Variants in VPS13A observed in about 807,000 individuals in gnomAD.
VPS13A encodes vacuolar protein sorting 13 homolog A, also known as intermembrane lipid transfer protein VPS13A.
Under a neutral mutation model 390.9 loss-of-function variants are expected in VPS13A, and 264 were observed. The observed-to-expected ratio is 0.68, with a 90% CI of 0.61 to 0.75. The LOEUF is 0.75. Ranked by LOEUF, VPS13A falls within the 30% of genes least tolerant of loss-of-function variation. VPS13A has a pLI of 0.00. For synonymous variants in VPS13A, 1,231 were observed against 1,227.1 expected (o/e 1.00, Z -0.07); for missense variants, 3,409 against 3,733.9 (o/e 0.91, Z 2.27).
chr9:77,239,597 A>G (rs571159290), intron 19 of VPS13A, among the ~76,000 whole-genome samples: 19 of 151,304 alleles, frequency 1.3e-4, no homozygotes, highest in South Asian at 4.2e-4. Context: ...TTTTTCTTAT[A>G]TTTTTACTTT....
Position 77,282,138 on chromosome 9 carries a change from G to A in VPS13A, c.2982G>A (p.Leu994=), listed in dbSNP as rs1169530629. The part of the protein sequence containing the change: ...LQLIKVNFSS[L]DIHLHTEALL... ...TTCTTTAGGTAAATTTTTCCTCTTT[G>A]GATATTCATTTACACACTGAAGCAC... Residue 994 remains leucine, a synonymous_variant, in exon 29 of 72, where the codon TTG becomes TTA. Coordinates refer to ENST00000360280, the MANE Select transcript of VPS13A (RefSeq NM_033305.3). 1 of 1,612,722 alleles carries A rather than the reference G, an allele frequency of 6.2e-7. No individual in the cohort carries two copies. Among genetic ancestry groups the A allele is most frequent in the South Asian group, 1.1e-5 (1 of 90,846 alleles).
intron 48 of VPS13A, 62 bp downstream of exon 48, chr9:77,339,973 A>G: frequency 1.3e-6 from 2 of 1,561,364 alleles, no homozygotes; most frequent in Non-Finnish European, 1.7e-6. Context: ...TTAGTTTTTA[A>G]AGTTCTGAGT....
chr9:77,263,107 CTTT>C (rs34380259), intron 23 of VPS13A, among the ~76,000 whole-genome samples: 2 of 139,346 alleles, frequency 1.4e-5, no homozygotes, highest in Non-Finnish European at 1.6e-5. Context: ...TGTTTCCCAA[CTTT>C]TTTTTTTTTT....
At chr9:77,219,104 G>T (rs1299501952) in intron 10 of VPS13A, among the ~76,000 whole-genome samples, 1 of 152,038 alleles carries the variant, frequency 6.6e-6, no homozygotes, top group Non-Finnish European at 1.5e-5. Context: ...TGGAGGATCA[G>T]TGAATTGTAG....
intron 45 of VPS13A, among the ~76,000 whole-genome samples, chr9:77,324,292 C>T: frequency 6.6e-6 from 1 of 152,060 alleles, no homozygotes; most frequent in East Asian, 1.9e-4. Context: ...TTTATATTGC[C>T]TATCACACTG....
intron 10 of VPS13A, among the ~76,000 whole-genome samples, chr9:77,219,050 G>T (rs1455459776): frequency 1.3e-5 from 2 of 152,162 alleles, no homozygotes; most frequent in Non-Finnish European, 2.9e-5. Context: ...GTAAGGTGGG[G>T]ATGGACTGAG....
intron 67 of VPS13A, among the ~76,000 whole-genome samples, chr9:77,381,757 A>G (rs1833451243): frequency 6.6e-6 from 1 of 152,162 alleles, no homozygotes; most frequent in Non-Finnish European, 1.5e-5. Flanking sequence ...TAATATTGTG[A>G]TTATTATCAC....
chr9:77,223,343 G>T (rs983876981), intron 13 of VPS13A, among the ~76,000 whole-genome samples: 1 of 152,044 alleles, frequency 6.6e-6, no homozygotes, highest in Non-Finnish European at 1.5e-5. Flanking sequence ...AGAATCATAC[G>T]TCTCTCACTT....
intron 58 of VPS13A, 21 bp from the exon 59 acceptor site, chr9:77,360,515 G>A (rs776143246): frequency 1.3e-6 from 2 of 1,554,102 alleles, no homozygotes; most frequent in Admixed American, 1.7e-5. Flanking sequence ...TTTAAAAAAT[G>A]TTTTCTACTT....
intron 54 of VPS13A, among the ~76,000 whole-genome samples, chr9:77,355,468 G>T (rs1831722177): frequency 6.6e-6 from 1 of 152,090 alleles, no homozygotes; most frequent in Admixed American, 6.5e-5. Flanking sequence ...CTTAGACCTG[G>T]TCCTTTTCTC....
In VPS13A at chr9:77,265,523, G is replaced by T. The variant is rs570067323; in HGVS notation, c.2427+5299G>T. Among the ~76,000 whole-genome samples, 337 of 152,276 alleles carry T rather than the reference G, an allele frequency of 2.2e-3. 1 individual carries two copies. The highest frequency in any genetic ancestry group is 7.5e-3 in the African/African-American group (312 of 41,560). On this transcript the variant is annotated intron_variant, in intron 23 of 71. Coordinates refer to ENST00000360280, the MANE Select transcript of VPS13A (RefSeq NM_033305.3). ...TTCGACTTCTTCCTGATTTAGTCTT[G>T]AGAGGGTGTATGTGTCCAGGAATTT... is the stretch of plus-strand genomic sequence containing the variant.
chr9:77,225,964 A>G lies in VPS13A; in HGVS notation c.1200A>G (p.Ile400Met), dbSNP rs900669460. 6.2e-7 allele frequency: 1 copy of G among 1,612,464 alleles called. No individual in the cohort carries two copies. Among genetic ancestry groups the G allele is most frequent in the Admixed American group, 1.7e-5 (1 of 59,968 alleles). The change falls in exon 14 of 72, where the codon ATA (isoleucine) becomes ATG (methionine). Residue 400 changes from isoleucine (I) to methionine (M), a missense_variant. Coordinates refer to ENST00000360280, the MANE Select transcript of VPS13A (RefSeq NM_033305.3). ...CCTTGGATGTCTTTAATATAACTAT[A>G]GCTAGACAGACGGCAGAAGTTGAGG... ...EKTLDVFNITIARQTAEVEVK... is the reference protein window; with the variant it reads ...EKTLDVFNITMARQTAEVEVK...
chr9:77,415,817 A>C, intron 71 of VPS13A, 139 bp from the exon 72 acceptor site: 1 of 929,720 alleles, frequency 1.1e-6, no homozygotes, highest in Admixed American at 2.0e-5. Context: ...TCTCTTTTGC[A>C]GGATGAATTT....
intron 67 of VPS13A, among the ~76,000 whole-genome samples, chr9:77,375,998 A>G (rs972998082): frequency 1.3e-5 from 2 of 152,218 alleles, no homozygotes; most frequent in East Asian, 3.8e-4. Context: ...GGAGGTAAGG[A>G]GATGCAAAAT....
intron 35 of VPS13A, 114 bp from the exon 36 acceptor site, chr9:77,313,878 G>C (rs1829232254): frequency 3.5e-6 from 4 of 1,152,418 alleles, no homozygotes; most frequent in Non-Finnish European, 4.9e-6. Context: ...TTATTTTCTT[G>C]AATGTCATTT....
chr9:77,310,850 T>G (rs1829032379), intron 35 of VPS13A, among the ~76,000 whole-genome samples: 1 of 152,120 alleles, frequency 6.6e-6, no homozygotes. Flanking sequence ...ATCGTTTTCT[T>G]CTGGAAATTT....
At chr9:77,304,145 A>G (rs758651821) in intron 34 of VPS13A, among the ~76,000 whole-genome samples, 1 of 151,912 alleles carries the variant, frequency 6.6e-6, no homozygotes, top group Non-Finnish European at 1.5e-5. Context: ...ATTGTGCCCC[A>G]GGTTTATTGA....
At chr9:77,302,386 T>G (rs1328290683) in intron 33 of VPS13A, among the ~76,000 whole-genome samples, 1 of 147,430 alleles carries the variant, frequency 6.8e-6, no homozygotes, top group Non-Finnish European at 1.5e-5. Flanking sequence ...TTTTTTTTTT[T>G]TTTGGAGACA....
intron 35 of VPS13A, among the ~76,000 whole-genome samples, chr9:77,310,207 A>T (rs2062886244): frequency 6.6e-6 from 1 of 152,184 alleles, no homozygotes; most frequent in Non-Finnish European, 1.5e-5. Context: ...ACAGAAAAAT[A>T]TGGGGTTAAA....
Sources: gnomAD v4.1 joint callset for allele counts (sites outside exome capture counted in the v4.1 genomes callset) on GRCh38, gnomAD v4.1.1 for gene constraint, MANE v1.5 for transcripts, NCBI Gene and HGNC (gene_info 2026-07-23, HGNC 2026-07-21) for gene names.